DRD2: variants seen among roughly 807,000 people sequenced by gnomAD.
DRD2 encodes the protein dopamine receptor D2.
DRD2 carries 8 observed loss-of-function variants against 38.0 expected under a neutral mutation model. The observed-to-expected ratio is 0.21, with a 90% confidence interval of 0.12 to 0.38. DRD2 has a LOEUF of 0.38. DRD2 is among the 10% of genes least tolerant of loss of function. The probability of loss-of-function intolerance (pLI) is 1.00; values close to 1 mark genes in which losing one functional copy is unlikely to be tolerated. For missense variants in DRD2, 403 were observed against 607.7 expected, an observed-to-expected ratio of 0.66 and a Z score of 3.54; for synonymous variants, 230 against 238.6, an observed-to-expected ratio of 0.96 and a Z score of 0.33.
intron 1 of DRD2, among the ~76,000 whole-genome samples, chr11:113,466,500 T>C (rs906427788): frequency 1.3e-5 from 2 of 152,166 alleles, no homozygotes; most frequent in African/African-American, 2.4e-5. Context: ...CCAACTTCCA[T>C]GCCCTGTGAC....
At chr11:113,442,425 C>A (rs189460858) in intron 1 of DRD2, among the ~76,000 whole-genome samples, 2 of 152,306 alleles carry the variant, frequency 1.3e-5, no homozygotes, top group Admixed American at 6.5e-5. Context: ...GCTCTCAGAT[C>A]CTCTCACCTA....
Position 113,412,710 on chromosome 11 carries a change from A to T in DRD2, c.984T>A (p.Asn328Lys). The T allele has an allele frequency of 6.2e-7, 1 of 1,614,052 alleles. No homozygotes were observed. The highest frequency in any genetic ancestry group is 8.5e-7 in the Non-Finnish European group (1 of 1,180,016). Residue 328 changes from asparagine to lysine, a missense_variant, in exon 7 of 8, where the codon AAT becomes AAA. This residue lies in a region of DRD2 where 166 missense variants were observed against 178.6 expected (regional missense o/e 0.93). Coordinates refer to ENST00000362072, the MANE Select transcript of DRD2 (RefSeq NM_000795.4). ...TCTTGGGGTGGTCTTTGGCATGCCC[A>T]TTCTTCTCTGGTTTGGCGGGGCTGT... ...TPDSPAKPEK[N>K]GHAKDHPKIA...
At chr11:113,414,604 G>C in intron 5 of DRD2, 143 bp from the exon 6 acceptor site, 3 of 807,438 alleles carry the variant, frequency 3.7e-6, no homozygotes, top group Middle Eastern at 2.7e-4. Flanking sequence ...GAGGCAGTTG[G>C]GGCAAGGGGG....
rs199517364 is a variant in DRD2 at position 113,416,946 on chromosome 11, C to T, written c.449G>A (p.Arg150His). The T allele has an allele frequency of 1.7e-5, 28 of 1,614,126 alleles. No individual in the cohort carries two copies. Among genetic ancestry groups the T allele is most frequent in the South Asian group, 4.4e-5 (4 of 91,054 alleles). ...MLYNTRYSSK[R>H]RVTVMISIVW... ...GATGGAGATCATGACGGTGACCCGG[C>T]GCTTGGAGCTGTAGCGCGTATTGTA... Residue 150 changes from arginine (R) to histidine (H), a missense_variant, in exon 4 of 8, where the codon CGC becomes CAC. Coordinates refer to ENST00000362072, the MANE Select transcript of DRD2 (RefSeq NM_000795.4).
At chr11:113,416,558 C>T (rs1950829301) in intron 4 of DRD2, among the ~76,000 whole-genome samples, 1 of 152,244 alleles carries the variant, frequency 6.6e-6, no homozygotes, top group East Asian at 1.9e-4. Context: ...GTTTGTGAAG[C>T]ACGTCTTGCC....
At chr11:113,465,027 C>T (rs1265326235) in intron 1 of DRD2, among the ~76,000 whole-genome samples, 1 of 152,150 alleles carries the variant, frequency 6.6e-6, no homozygotes, top group Non-Finnish European at 1.5e-5. Flanking sequence ...CATTGCTGTC[C>T]TGAACAACTG....
intron 1 of DRD2, among the ~76,000 whole-genome samples, chr11:113,449,329 G>T (rs2119896567): frequency 6.6e-6 from 1 of 152,260 alleles, no homozygotes; most frequent in East Asian, 1.9e-4. Flanking sequence ...GGGAGGCTCT[G>T]CCAAGGTAAT....
At chr11:113,459,406 C>G (rs1333714062) in intron 1 of DRD2, among the ~76,000 whole-genome samples, 1 of 152,140 alleles carries the variant, frequency 6.6e-6, no homozygotes, top group East Asian at 1.9e-4. Context: ...GGACTTCATC[C>G]AATCCAATAC....
At chr11:113,429,871 G>A (rs1353187290) in intron 1 of DRD2, among the ~76,000 whole-genome samples, 1 of 152,248 alleles carries the variant, frequency 6.6e-6, no homozygotes, top group Non-Finnish European at 1.5e-5. Context: ...ACAAAATAGA[G>A]ATAACAACAA....
At chr11:113,423,278 AT>A (rs1439436744) in intron 2 of DRD2, among the ~76,000 whole-genome samples, 14 of 123,442 alleles carry the variant, frequency 1.1e-4, no homozygotes, top group African/African-American at 2.5e-4. Context: ...TTTTAATTTA[AT>A]TTTATTTTTT....
intron 5 of DRD2, among the ~76,000 whole-genome samples, chr11:113,415,140 G>A (rs1425754134): frequency 6.6e-6 from 1 of 152,100 alleles, no homozygotes; most frequent in Non-Finnish European, 1.5e-5. Context: ...GCCCACGGGG[G>A]TACCAAGCAA....
intron 1 of DRD2, among the ~76,000 whole-genome samples, chr11:113,451,446 G>A (rs184873400): frequency 2.4e-4 from 37 of 152,026 alleles, no homozygotes; most frequent in African/African-American, 7.5e-4. Context: ...TTTCTTCCAC[G>A]TATATATGTA....
chr11:113,449,011 T>G (rs1269671716), intron 1 of DRD2, among the ~76,000 whole-genome samples: 1 of 152,222 alleles, frequency 6.6e-6, no homozygotes, highest in African/African-American at 2.4e-5. Flanking sequence ...ATATCTTCTA[T>G]GACTCCCCTG....
chr11:113,471,937 T>C (rs1591307271), intron 1 of DRD2, among the ~76,000 whole-genome samples: 2 of 152,210 alleles, frequency 1.3e-5, no homozygotes, highest in East Asian at 1.9e-4. Context: ...CCTGCTGATA[T>C]ATAACTTGAT....
chr11:113,429,478 C>T (rs1231617920), intron 1 of DRD2, among the ~76,000 whole-genome samples: 1 of 152,068 alleles, frequency 6.6e-6, no homozygotes, highest in Non-Finnish European at 1.5e-5. Context: ...ATCTCCTGAC[C>T]TCATTATCTG....
Position 113,410,260 on chromosome 11 carries a change from C to T in DRD2, c.*467G>A, listed in dbSNP as rs750937160. 11 of 251,644 alleles carry T rather than the reference C, an allele frequency of 4.4e-5. No individual in the cohort carries two copies. The highest frequency in any genetic ancestry group is 1.3e-4 in the African/African-American group (6 of 45,440). 15.6% of individuals were successfully genotyped at this position (251,644 alleles called of 1,614,324 possible). A position where few individuals can be genotyped will look rare whatever the true frequency, so the allele number is the denominator to read the frequency against. On this transcript the variant is annotated 3_prime_UTR_variant, in exon 8 of 8. Transcript: ENST00000362072. The stretch of plus-strand genomic sequence containing the variant: ...CCAGGACTGAAGTTGCCTGGCTCCT[C>T]GGCAAGAGAGCTTGCTTGCCTCCTG...
intron 1 of DRD2, chr11:113,474,529 A>C (rs1365553135): frequency 6.6e-6 from 1 of 152,310 alleles, no homozygotes; most frequent in African/African-American, 2.4e-5. Flanking sequence ...CAACCGTGGG[A>C]GCGGGAGAAT....
chr11:113,427,406 A>G lies in DRD2; in HGVS notation c.-31-2724T>C, dbSNP rs1298926790. ...CCTCAGGGTCCTGCAGCACTGAAAC[A>G]CACCCCAGTGCTGCAGGAGACACCT... On this transcript the variant is annotated intron_variant, in intron 1 of 7. Transcript: ENST00000362072. Among the ~76,000 whole-genome samples, 7 of 151,916 alleles carry G rather than the reference A, an allele frequency of 4.6e-5. No individual in the cohort carries two copies. The South Asian group carries it at 8.3e-4, about 18-fold the overall frequency.
chr11:113,462,088 A>G (rs1951326385), intron 1 of DRD2, among the ~76,000 whole-genome samples: 1 of 152,138 alleles, frequency 6.6e-6, no homozygotes, highest in Non-Finnish European at 1.5e-5. Context: ...AGTTGTACTA[A>G]TTGCTTTCTT....
Sources: gnomAD v4.1 joint callset for allele counts (sites outside exome capture counted in the v4.1 genomes callset) on GRCh38, gnomAD v4.1.1 for gene constraint, gnomAD v4.1.1 regional missense constraint, MANE v1.5 for transcripts, NCBI Gene and HGNC (gene_info 2026-07-23, HGNC 2026-07-21) for gene names.